Variants in CNGA1 observed in about 807,000 individuals in gnomAD.
The protein encoded by CNGA1 is cyclic nucleotide-gated channel alpha-1.
Under a neutral mutation model 69.7 loss-of-function variants are expected in CNGA1, and 53 were observed. The observed-to-expected ratio is 0.76, with a 90% CI of 0.61 to 0.96. CNGA1 has a LOEUF of 0.96. CNGA1 is among the 40% of genes least tolerant of loss of function. The probability of loss-of-function intolerance (pLI) is 0.00; values close to 1 mark genes in which losing one functional copy is unlikely to be tolerated. For synonymous variants in CNGA1, 249 were observed against 283.5 expected (o/e 0.88, Z 1.22); for missense variants, 739 against 811.2 (o/e 0.91, Z 1.08).
chr4:47,955,458 C>T (rs1416285773), intron 3 of CNGA1, among the ~76,000 whole-genome samples: 1 of 152,160 alleles, frequency 6.6e-6, no homozygotes, highest in Non-Finnish European at 1.5e-5. Flanking sequence ...GCTGGGATTA[C>T]AGGCGTGAGC....
intron 2 of CNGA1, among the ~76,000 whole-genome samples, chr4:48,005,958 C>T (rs1714898719): frequency 6.6e-6 from 1 of 152,192 alleles, no homozygotes; most frequent in East Asian, 1.9e-4. Flanking sequence ...AAGAAATATG[C>T]TCCAAATTTT....
In CNGA1 at chr4:47,960,663, C is replaced by G. The variant is rs184620766; in HGVS notation, c.-14-7960G>C. Among the ~76,000 whole-genome samples, 410 of 152,078 alleles carry G rather than the reference C, an allele frequency of 2.7e-3. 2 individuals carry two copies. Among genetic ancestry groups the G allele is most frequent in the Middle Eastern group, 0.014 (4 of 294 alleles). ...TAGCTATATTTATAGAAGTCCCAAA[C>G]AGGAAGCAACCCATATTTTCATCAA... On this transcript the variant is annotated intron_variant, in intron 3 of 10. Transcript: ENST00000514170.
At chr4:48,012,215 T>A (rs534730888) in intron 1 of CNGA1, among the ~76,000 whole-genome samples, 73 of 152,280 alleles carry the variant, frequency 4.8e-4, no homozygotes, top group African/African-American at 1.7e-3. Flanking sequence ...AGGGCATGAC[T>A]CCCCAGACAC....
intron 10 of CNGA1, among the ~76,000 whole-genome samples, chr4:47,938,782 T>C (rs1202531082): frequency 2.0e-5 from 3 of 151,924 alleles, no homozygotes; most frequent in Non-Finnish European, 4.4e-5. Flanking sequence ...GTGATAGAAA[T>C]GTCTTTTGTT....
chr4:47,940,550 C>T (rs2110136702), intron 10 of CNGA1, among the ~76,000 whole-genome samples: 1 of 152,308 alleles, frequency 6.6e-6, no homozygotes, highest in South Asian at 2.1e-4. Context: ...ATCTACTTGT[C>T]AAAAAGTTGC....
chr4:47,980,349 A>G (rs972629042), intron 3 of CNGA1, among the ~76,000 whole-genome samples: 1 of 152,238 alleles, frequency 6.6e-6, no homozygotes, highest in Non-Finnish European at 1.5e-5. Flanking sequence ...ACTTTCCAAT[A>G]TAGAATGAAA....
chr4:47,945,605 C>T (rs1039121950), intron 6 of CNGA1, among the ~76,000 whole-genome samples: 2 of 152,138 alleles, frequency 1.3e-5, no homozygotes, highest in African/African-American at 4.8e-5. Flanking sequence ...ATGGTGTTTC[C>T]CACTGGGTCC....
chr4:47,978,008 T>TATA (rs1239687644), intron 3 of CNGA1, among the ~76,000 whole-genome samples: 1 of 152,190 alleles, frequency 6.6e-6, no homozygotes, highest in African/African-American at 2.4e-5. Context: ...GTATTTTTAG[T>TATA]AGAGATGGGG....
rs545951224 is a variant in CNGA1, at chr4:47,982,062, T to G, written c.-122-562A>C. Reference sequence around the variant, plus strand: ...CTTGCCTGAAAGAAAAATTCATGCTTTAGATGTATAAAAATCATCACAATA... The same window carrying G: ...CTTGCCTGAAAGAAAAATTCATGCTGTAGATGTATAAAAATCATCACAATA... On this transcript the variant is annotated intron_variant, in intron 2 of 10. Coordinates refer to ENST00000514170, the MANE Select transcript of CNGA1 (RefSeq NM_001379270.1). 2.0e-5 allele frequency among the ~76,000 whole-genome samples: 3 copies of G among 152,304 alleles called. No homozygotes were observed. The South Asian group carries it at 6.2e-4, about 32-fold the overall frequency.
At chr4:47,943,700 C>A (rs1739231931) in intron 6 of CNGA1, among the ~76,000 whole-genome samples, 1 of 151,884 alleles carries the variant, frequency 6.6e-6, no homozygotes, top group African/African-American at 2.4e-5. Flanking sequence ...ACAACAGCCC[C>A]CCAAGAGTGT....
chr4:47,971,902 AAACAAACAAACAAACAAC>A (rs1741065161), intron 3 of CNGA1, among the ~76,000 whole-genome samples: 1 of 133,948 alleles, frequency 7.5e-6, no homozygotes, highest in African/African-American at 2.5e-5. Flanking sequence ...AAAAACAAAC[AAACAAACAAACAAACAAC>A]AACAACAACA....
At chr4:48,008,309 C>G (rs1475776665) in intron 2 of CNGA1, among the ~76,000 whole-genome samples, 1 of 152,072 alleles carries the variant, frequency 6.6e-6, no homozygotes, top group Non-Finnish European at 1.5e-5. Context: ...TCTAAATTTA[C>G]CATGTAATAT....
intron 2 of CNGA1, among the ~76,000 whole-genome samples, chr4:47,990,791 T>A (rs1011608454): frequency 6.6e-6 from 1 of 152,148 alleles, no homozygotes; most frequent in African/African-American, 2.4e-5. Context: ...TTAGGGAAAA[T>A]AGAAAGAACC....
chr4:48,004,729 T>A (rs1714839830), intron 2 of CNGA1, among the ~76,000 whole-genome samples: 1 of 152,294 alleles, frequency 6.6e-6, no homozygotes, highest in African/African-American at 2.4e-5. Context: ...AGTCCACATA[T>A]CAATAGACAG....
At chr4:47,988,282 G>A (rs1391129290) in intron 2 of CNGA1, among the ~76,000 whole-genome samples, 1 of 152,104 alleles carries the variant, frequency 6.6e-6, no homozygotes, top group Non-Finnish European at 1.5e-5. Context: ...GGGGAATTAG[G>A]AGTTCTATTT....
intron 2 of CNGA1, among the ~76,000 whole-genome samples, chr4:48,009,276 C>A (rs1715045327): frequency 1.3e-5 from 2 of 151,802 alleles, no homozygotes; most frequent in Admixed American, 1.3e-4. Context: ...ACCAGCCTGG[C>A]TAACATGGTG....
At chr4:48,004,125 AAAT>A (rs1560314506) in intron 2 of CNGA1, among the ~76,000 whole-genome samples, 1 of 152,228 alleles carries the variant, frequency 6.6e-6, no homozygotes, top group Non-Finnish European at 1.5e-5. Context: ...TGAGAAGCAG[AAAT>A]AATAATGTAA....
At chr4:47,992,646 G>A (rs1265721548) in intron 2 of CNGA1, among the ~76,000 whole-genome samples, 4 of 137,552 alleles carry the variant, frequency 2.9e-5, no homozygotes, top group Non-Finnish European at 6.5e-5. Flanking sequence ...TTACTGATTT[G>A]GATGCCATTT....
Position 48,016,493 on chromosome 4 carries a change from T to C in CNGA1, c.-233A>G. On this transcript the variant is annotated 5_prime_UTR_variant, in exon 1 of 11. Transcript: ENST00000514170. The stretch of plus-strand genomic sequence containing the variant: ...AATTCCCGGAGTTACCTTGGCGGGC[T>C]CCACGCTCCGAGAGACGCTGTTGCT... The C allele has an allele frequency of 2.9e-6, 1 of 350,746 alleles. No individual in the cohort carries two copies. The allele number at this position is 350,746 out of a possible 1,614,324, so 21.7% of individuals were successfully genotyped here.
Sources: allele counts gnomAD v4.1 joint callset (sites outside exome capture counted in the v4.1 genomes callset), GRCh38; gene constraint gnomAD v4.1.1; transcripts MANE v1.5; gene names NCBI Gene and HGNC (gene_info 2026-07-23, HGNC 2026-07-21).